METTL15: variants seen among roughly 807,000 people sequenced by gnomAD.
The protein encoded by METTL15 is 12S rRNA N(4)-cytidine methyltransferase METTL15.
Under a neutral mutation model 38.3 loss-of-function variants are expected in METTL15, and 34 were observed. The observed-to-expected ratio is 0.89, with a 90% CI of 0.68 to 1.18. The LOEUF is 1.18. METTL15 is among the 50% of genes most tolerant of loss of function. METTL15 has a pLI of 0.00. For synonymous variants in METTL15, 162 were observed against 170.9 expected (o/e 0.95, Z 0.41); for missense variants, 438 against 498.4 (o/e 0.88, Z 1.15).
rs117502648 is a variant in METTL15, at chr11:28,117,558, A to G, written c.270+3954A>G. On this transcript the variant is annotated intron_variant, in intron 3 of 6. Transcript: ENST00000407364. The stretch of plus-strand genomic sequence containing the variant: ...ATTAGATAATTCTACAACTTGACCT[A>G]CACTGCTGTTTCATTCTGTTCAAGT... 5.3e-4 allele frequency among the ~76,000 whole-genome samples: 80 copies of G among 152,270 alleles called. 1 individual carries two copies. In the East Asian group the frequency reaches 0.014, roughly 28 times the overall value.
intron 2 of METTL15, among the ~76,000 whole-genome samples, chr11:28,110,781 A>G (rs1480038478): frequency 6.6e-6 from 1 of 152,232 alleles, no homozygotes; most frequent in Non-Finnish European, 1.5e-5. Flanking sequence ...CTTCATGGGC[A>G]TCACTCACCT....
chr11:28,203,362 C>T (rs944836146), intron 3 of METTL15, among the ~76,000 whole-genome samples: 4 of 151,924 alleles, frequency 2.6e-5, no homozygotes, highest in African/African-American at 9.7e-5. Flanking sequence ...ACTTAATTAG[C>T]AGGTTTGAAT....
At chr11:28,524,347 TG>T (rs2133515073) in intron 6 of METTL15, among the ~76,000 whole-genome samples, 1 of 152,342 alleles carries the variant, frequency 6.6e-6, no homozygotes. Flanking sequence ...ATGACTTCAC[TG>T]GTCTCAAGAT....
At chr11:28,359,168 A>T (rs980261755) in intron 4 of METTL15, among the ~76,000 whole-genome samples, 5 of 152,174 alleles carry the variant, frequency 3.3e-5, no homozygotes, top group African/African-American at 1.2e-4. Flanking sequence ...CTCACTTAGA[A>T]GTGAGAACAT....
chr11:28,442,939 T>G (rs1056870373), intron 6 of METTL15, among the ~76,000 whole-genome samples: 1 of 152,140 alleles, frequency 6.6e-6, no homozygotes, highest in Non-Finnish European at 1.5e-5. Flanking sequence ...ATATGAAAAA[T>G]GAATTTATTT....
intron 4 of METTL15, among the ~76,000 whole-genome samples, chr11:28,240,012 A>G (rs1345265372): frequency 2.0e-5 from 3 of 152,160 alleles, no homozygotes; most frequent in East Asian, 1.9e-4. Flanking sequence ...GTTGCTGGCC[A>G]TAATAGGGTA....
chr11:28,351,339 G>A (rs1421079505), intron 3 of METTL15, among the ~76,000 whole-genome samples: 1 of 152,064 alleles, frequency 6.6e-6, no homozygotes, highest in Non-Finnish European at 1.5e-5. Flanking sequence ...TCAAACTCCT[G>A]AGCTCAGGCA....
chr11:28,293,883 T>C (rs1210784462), intron 5 of METTL15, among the ~76,000 whole-genome samples: 1 of 152,172 alleles, frequency 6.6e-6, no homozygotes, highest in Non-Finnish European at 1.5e-5. Context: ...ATAGGAATGC[T>C]TGTGATTTTT....
intron 6 of METTL15, among the ~76,000 whole-genome samples, chr11:28,471,884 G>T (rs1448815876): frequency 6.6e-6 from 1 of 152,010 alleles, no homozygotes; most frequent in African/African-American, 2.4e-5. Context: ...ATTCTCTGTG[G>T]GGGGAAAAAC....
chr11:28,231,188 T>G (rs190725806), intron 4 of METTL15, among the ~76,000 whole-genome samples: 1 of 151,988 alleles, frequency 6.6e-6, no homozygotes, highest in African/African-American at 2.4e-5. Context: ...TCTTACTTTA[T>G]CAGGAAAGAC....
intron 5 of METTL15, among the ~76,000 whole-genome samples, chr11:28,375,819 C>T (rs1033525846): frequency 1.3e-5 from 2 of 151,290 alleles, no homozygotes; most frequent in African/African-American, 4.9e-5. Flanking sequence ...TATAAATTTC[C>T]CTCTACACAC....
intron 4 of METTL15, among the ~76,000 whole-genome samples, chr11:28,273,712 G>A (rs997802070): frequency 1.3e-5 from 2 of 152,026 alleles, no homozygotes; most frequent in African/African-American, 2.4e-5. Context: ...CTGTATATAT[G>A]TATTAATGTT....
intron 4 of METTL15, among the ~76,000 whole-genome samples, chr11:28,233,549 A>C (rs1364099505): frequency 6.6e-6 from 1 of 152,026 alleles, no homozygotes; most frequent in Admixed American, 6.6e-5. Flanking sequence ...TTGTTGGGCA[A>C]GTTACTCCAA....
At chr11:28,427,479 G>A (rs1023252890) in intron 6 of METTL15, among the ~76,000 whole-genome samples, 10 of 152,074 alleles carry the variant, frequency 6.6e-5, no homozygotes, top group South Asian at 2.1e-4. Context: ...TAATGTCAAC[G>A]GTAGTTTAAT....
chr11:28,258,091 G>T (rs543751176), intron 4 of METTL15, among the ~76,000 whole-genome samples: 3 of 152,250 alleles, frequency 2.0e-5, no homozygotes, highest in Non-Finnish European at 4.4e-5. Context: ...CTGCTTAATG[G>T]GACACCCCAT....
At chr11:28,249,318 A>G (rs190262955) in intron 4 of METTL15, among the ~76,000 whole-genome samples, 25 of 152,164 alleles carry the variant, frequency 1.6e-4, no homozygotes, top group Admixed American at 1.6e-3. Flanking sequence ...CATGTTACAC[A>G]TAGTACACAT....
downstream of METTL15, among the ~76,000 whole-genome samples, chr11:28,527,476 A>G (rs1851820074): frequency 6.6e-6 from 1 of 152,248 alleles, no homozygotes; most frequent in Non-Finnish European, 1.5e-5. Context: ...CCTGCATGCC[A>G]GGCACAGTAT....
At chr11:28,290,519 C>A in intron 5 of METTL15, 122 bp downstream of exon 5, 2 of 806,836 alleles carry the variant, frequency 2.5e-6, no homozygotes, top group Non-Finnish European at 2.0e-6. Flanking sequence ...ACTACCAATA[C>A]ATAATAAATC....
At chr11:28,176,977 A>AT (rs555565341) in intron 3 of METTL15, among the ~76,000 whole-genome samples, 54 of 152,224 alleles carry the variant, frequency 3.5e-4, no homozygotes, top group Admixed American at 3.1e-3. Context: ...TTGAGAAGGC[A>AT]TAAGTTGATA....
Sources: allele counts gnomAD v4.1 joint callset (sites outside exome capture counted in the v4.1 genomes callset), GRCh38; gene constraint gnomAD v4.1.1; transcripts MANE v1.5; gene names NCBI Gene and HGNC (gene_info 2026-07-23, HGNC 2026-07-21).